The following CHM variants were observed in gnomAD, a reference collection of about 807,000 sequenced individuals.
CHM encodes the protein rab proteins geranylgeranyltransferase component A 1.
Under a neutral mutation model 49.0 loss-of-function variants are expected in CHM, and 10 were observed. The observed-to-expected ratio is 0.20, with a 90% CI of 0.13 to 0.35. The LOEUF (loss-of-function observed/expected upper bound fraction) is 0.35. CHM is among the 10% of genes least tolerant of loss of function. The probability of loss-of-function intolerance (pLI) is 1.00; values close to 1 mark genes in which losing one functional copy is unlikely to be tolerated. For missense variants in CHM, 455 were observed against 478.4 expected (o/e 0.95, Z 0.46); for synonymous variants, 184 against 167.5 (o/e 1.10, Z -0.76).
intron 2 of CHM, among the ~76,000 whole-genome samples, chrX:86,026,102 C>CTTTTTTTTTTTTTTTTTTTTTT (rs1167691945): frequency 3.7e-5 from 1 of 26,761 alleles, no homozygotes; most frequent in African/African-American, 1.1e-4. Context: ...AGCAGATTTT[C>CTTTTTTTTTTTTTTTTTTTTTT]TTTTTTTTTT....
chrX:86,029,445 T>C (rs1431737352), intron 1 of CHM, among the ~76,000 whole-genome samples: 1 of 111,874 alleles, frequency 8.9e-6, no homozygotes, highest in African/African-American at 3.2e-5. Context: ...TTAATGCTCT[T>C]ATGTGTAATA....
intron 9 of CHM, among the ~76,000 whole-genome samples, chrX:85,905,092 A>G (rs1268443973): frequency 9.0e-6 from 1 of 111,472 alleles, no homozygotes; most frequent in Non-Finnish European, 1.9e-5. Flanking sequence ...ATTATTAGCC[A>G]AGCATTTTTT....
intron 9 of CHM, among the ~76,000 whole-genome samples, chrX:85,901,599 CTA>C (rs1313716144): frequency 1.8e-5 from 2 of 111,520 alleles, no homozygotes; most frequent in Non-Finnish European, 3.8e-5. Flanking sequence ...AAATACCTTG[CTA>C]TACCATTCAG....
intron 7 of CHM, 55 bp from the exon 8 acceptor site, chrX:85,956,433 A>AC: frequency 8.6e-7 from 1 of 1,162,558 alleles, no homozygotes; most frequent in Non-Finnish European, 1.1e-6. Flanking sequence ...TCTATTTAAA[A>AC]CCACCCCACA....
chrX:86,039,219 G>C (rs185829601), intron 1 of CHM, among the ~76,000 whole-genome samples: 1 of 111,788 alleles, frequency 8.9e-6, no homozygotes, highest in African/African-American at 3.3e-5. Flanking sequence ...CATTGATTTT[G>C]CTTACATAGC....
chrX:86,007,629 C>G (rs1173493072), intron 2 of CHM, among the ~76,000 whole-genome samples: 4 of 112,295 alleles, frequency 3.6e-5, no homozygotes, highest in Non-Finnish European at 7.5e-5. Context: ...AAGAAGACAT[C>G]TATGCAGCCA....
chrX:85,892,182 A>C (rs1477716934), intron 12 of CHM, among the ~76,000 whole-genome samples: 2 of 111,228 alleles, frequency 1.8e-5, no homozygotes, highest in African/African-American at 6.6e-5. Flanking sequence ...GTCAGATGAG[A>C]CTTTGGACTG....
intron 8 of CHM, among the ~76,000 whole-genome samples, chrX:85,939,821 A>AGGC (rs1929000967): frequency 8.9e-6 from 1 of 112,184 alleles, no homozygotes; most frequent in Admixed American, 9.5e-5. Context: ...ATTGGTTCAA[A>AGGC]TGCCAACACA....
chrX:85,932,048 C>A (rs767353515), intron 8 of CHM, among the ~76,000 whole-genome samples: 1 of 111,816 alleles, frequency 8.9e-6, no homozygotes, highest in East Asian at 2.8e-4. Context: ...TCAATTTAAT[C>A]TGGCAAACTT....
intron 12 of CHM, among the ~76,000 whole-genome samples, chrX:85,892,819 A>T (rs1925564956): frequency 9.0e-6 from 1 of 111,656 alleles, no homozygotes; most frequent in Non-Finnish European, 1.9e-5. Flanking sequence ...TTCCCCACTG[A>T]AGTTTTCCTT....
chrX:85,965,426 T>C (rs1345906502), intron 4 of CHM, among the ~76,000 whole-genome samples: 5 of 111,681 alleles, frequency 4.5e-5, no homozygotes, highest in Non-Finnish European at 9.4e-5. Context: ...TCCTTTATCT[T>C]CCAAATCAGA....
At chrX:86,039,022 T>G (rs1934352201) in intron 1 of CHM, among the ~76,000 whole-genome samples, 1 of 112,511 alleles carries the variant, frequency 8.9e-6, no homozygotes, top group Admixed American at 9.4e-5. Flanking sequence ...TACATCAAAC[T>G]TAGCTGAGCC....
rs1376897010 is a variant in CHM, at chrX:85,901,125, G to T, written c.1308C>A (p.Asp436Glu). ...AGCACATGTTCTCAGGAAAGTAACT[G>T]TCCTCCACGAGGAAATGCTCAGAGA... is the stretch of plus-strand genomic sequence containing the variant. The part of the protein sequence containing the change: ...RIISEHFLVE[D>E]SYFPENMCSR... Residue 436 changes from aspartate (D) to glutamate (E), a missense_variant, in exon 10 of 15, where the codon GAC becomes GAA. Coordinates refer to ENST00000357749, the MANE Select transcript of CHM (RefSeq NM_000390.4). 10 of 1,204,168 alleles carry T rather than the reference G, an allele frequency of 8.3e-6. No homozygotes were observed. The East Asian group carries it at 3.0e-4, about 36-fold the overall frequency.
chrX:85,875,924 C>T (rs1323713688), intron 13 of CHM, among the ~76,000 whole-genome samples: 1 of 111,499 alleles, frequency 9.0e-6, no homozygotes, highest in African/African-American at 3.3e-5. Flanking sequence ...AGGGCTAAGT[C>T]AAGAATGCAA....
rs1019016559 is a variant in CHM, at chrX:85,862,153, A to G, written c.*2477T>C. On this transcript the variant is annotated 3_prime_UTR_variant, in exon 15 of 15. Coordinates refer to ENST00000357749, the MANE Select transcript of CHM (RefSeq NM_000390.4). Reference sequence around the variant, plus strand: ...TCATATTTAATAAATGACCTGAAAGAGAGATTCTGATGCTAATGGATGAAA... The same window carrying G: ...TCATATTTAATAAATGACCTGAAAGGGAGATTCTGATGCTAATGGATGAAA... 8.9e-6 allele frequency: 1 copy of G among 112,041 alleles called. No homozygotes were observed. The highest frequency in any genetic ancestry group is 3.2e-5 in the African/African-American group (1 of 30,856). The allele number at this position is 112,041 out of a possible 1,213,427, so 9.2% of individuals were successfully genotyped here.
chrX:85,974,158 A>G (rs997655221), intron 4 of CHM, among the ~76,000 whole-genome samples: 1 of 112,369 alleles, frequency 8.9e-6, no homozygotes, highest in Non-Finnish European at 1.9e-5. Flanking sequence ...TAATTGTTCC[A>G]AAGAAAATTA....
intron 2 of CHM, among the ~76,000 whole-genome samples, chrX:86,021,118 G>T (rs866898317): frequency 2.8e-5 from 1 of 35,917 alleles, no homozygotes. Context: ...ATATATATGT[G>T]TATATACGTA....
intron 5 of CHM, among the ~76,000 whole-genome samples, chrX:85,961,615 T>A (rs745433775): frequency 1.0e-5 from 1 of 96,855 alleles, no homozygotes; most frequent in Admixed American, 1.1e-4. Context: ...ATTAAATGAC[T>A]TAACATTTTA....
At chrX:85,936,026 A>G (rs1224572734) in intron 8 of CHM, among the ~76,000 whole-genome samples, 2 of 112,168 alleles carry the variant, frequency 1.8e-5, no homozygotes, top group African/African-American at 6.5e-5. Flanking sequence ...CTATGTGCCT[A>G]CCAAAGTTCT....
Sources: allele counts gnomAD v4.1 joint callset (sites outside exome capture counted in the v4.1 genomes callset), GRCh38; gene constraint gnomAD v4.1.1; transcripts MANE v1.5; gene names NCBI Gene and HGNC (gene_info 2026-07-23, HGNC 2026-07-21).